SUN1: variants seen among roughly 807,000 people sequenced by gnomAD.
The protein encoded by SUN1 is Sad1 and UNC84 domain containing 1, also known as SUN domain-containing protein 1.
Under a neutral mutation model 103.2 loss-of-function variants are expected in SUN1, and 61 were observed. That is an observed-to-expected ratio of 0.59 (90% confidence interval 0.48 to 0.73). The LOEUF (loss-of-function observed/expected upper bound fraction) is 0.73, where lower values mean the gene tolerates loss of function less well. SUN1 is among the 30% of genes least tolerant of loss of function. The pLI is 0.00. For missense variants in SUN1, 1,052 were observed against 1,034.6 expected (o/e 1.02, Z -0.23); for synonymous variants, 490 against 425.7 (o/e 1.15, Z -1.86).
Position 843,218 on chromosome 7 carries a change from A to T in SUN1, c.464A>T (p.Asp155Val). 1 of 1,607,774 alleles carries T rather than the reference A, an allele frequency of 6.2e-7. No homozygotes were observed. The highest frequency in any genetic ancestry group is 8.5e-7 in the Non-Finnish European group (1 of 1,179,404). The change falls in exon 4 of 19, where the codon GAT becomes GTT. Residue 155 changes from aspartate to valine, a missense_variant. Physicochemically the swap from Asp to Val is radical, Grantham distance 152. This residue lies in a region of SUN1 where 846 missense variants were observed against 774.5 expected (regional missense o/e 1.09). Coordinates refer to ENST00000401592, the MANE Select transcript of SUN1 (RefSeq NM_001130965.3). The stretch of plus-strand genomic sequence containing the variant: ...TTTTTTTTTTTAGGTCTTGATGATG[A>T]TGGTGATCTTAAAGGTAATTATTTT... ...TVDHFWGLDD[D>V]GDLKGGNKAA...
rs551031419 is a variant in SUN1, at chr7:869,453, C to T, written c.2085C>T (p.His695=). The T allele has an allele frequency of 5.0e-6, 8 of 1,613,948 alleles. No homozygotes were observed. The South Asian group carries it at 8.8e-5, about 18-fold the overall frequency. The change falls in exon 17 of 19, where the codon CAC becomes CAT. Residue 695 remains histidine, a synonymous_variant. Coordinates refer to ENST00000401592, the MANE Select transcript of SUN1 (RefSeq NM_001130965.3). The stretch of plus-strand genomic sequence containing the variant: ...ACCCAGCCGCCTTCACTCTGGAGCA[C>T]ATCCCTAAGACGCTGTCGCCAACAG... ...MIHPAAFTLE[H]IPKTLSPTGN... is the part of the protein sequence containing the mutation.
intron 1 of SUN1, among the ~76,000 whole-genome samples, chr7:819,977 A>G (rs925911235): frequency 1.3e-5 from 2 of 152,096 alleles, no homozygotes; most frequent in African/African-American, 4.8e-5. Context: ...GTGCCATACT[A>G]TTTTGTAGTA....
At chr7:856,472 G>A (rs1827422832) in intron 12 of SUN1, 71 bp downstream of exon 12, 1 of 1,577,464 alleles carries the variant, frequency 6.3e-7, no homozygotes, top group Non-Finnish European at 8.7e-7. Flanking sequence ...CGGCAGCAGA[G>A]TGATGAATGG....
intron 1 of SUN1, among the ~76,000 whole-genome samples, chr7:819,047 GA>G (rs1783579885): frequency 6.6e-6 from 1 of 152,016 alleles, no homozygotes; most frequent in South Asian, 2.1e-4. Flanking sequence ...ATTTTTAGTA[GA>G]GATGGGGTTT....
chr7:861,441 T>C lies in SUN1; in HGVS notation c.1841T>C (p.Val614Ala). ...KLYSQDKTGMVDFALESGGGS... is the reference protein window; with the variant it reads ...KLYSQDKTGMADFALESGGGS... ...TATTCCCAAGATAAGACCGGGATGG[T>C]GGACTTTGCTCTGGAATCTGGTGGT... Residue 614 changes from valine (V) to alanine (A), a missense_variant, in exon 15 of 19, where the codon GTG (valine) becomes GCG (alanine). Around this residue, in one of 2 missense-constraint regions of SUN1, gnomAD observed 206 missense variants for 260.1 expected, o/e 0.79. Transcript: ENST00000401592. The C allele has an allele frequency of 6.2e-7, 1 of 1,614,166 alleles. No individual in the cohort carries two copies. The highest frequency in any genetic ancestry group is 8.5e-7 in the Non-Finnish European group (1 of 1,180,024).
intron 1 of SUN1, among the ~76,000 whole-genome samples, chr7:822,290 G>A (rs1291062223): frequency 6.6e-6 from 1 of 152,220 alleles, no homozygotes; most frequent in East Asian, 1.9e-4. Context: ...TGCTTGTTCT[G>A]TTGGTACTTT....
chr7:869,626 G>A (rs914144591), intron 17 of SUN1, 110 bp downstream of exon 17: 154 of 1,305,076 alleles, frequency 1.2e-4, no homozygotes, highest in Non-Finnish European at 1.3e-4. Context: ...CTGCCCCTCC[G>A]CCCTCTCTCA....
chr7:864,942 C>T (rs7808546), intron 15 of SUN1, among the ~76,000 whole-genome samples: 117,557 of 151,782 alleles, frequency 0.77, 45,670 homozygotes, highest in Admixed American at 0.83. Flanking sequence ...TTCTTTTTTT[C>T]TCTGGACCCA....
At position 841,927 on chromosome 7, in the gene SUN1, TG is replaced by T; in HGVS notation, c.267-18del. 1 of 1,608,132 alleles carries T rather than the reference TG, an allele frequency of 6.2e-7. No individual in the cohort carries two copies. The highest frequency in any genetic ancestry group is 1.1e-5 in the South Asian group (1 of 90,750). ...TGCTAGAAAAGATCTATAAACTTGC[TG>T]TTTTTTTTTCTTCTTAGAACAACAA... On this transcript the variant is annotated intron_variant, in intron 2 of 18. Transcript: ENST00000401592.
At chr7:832,727 A>C (rs1799109776) in intron 1 of SUN1, 126 bp downstream of exon 1, 2 of 749,704 alleles carry the variant, frequency 2.7e-6, no homozygotes, top group Non-Finnish European at 4.5e-6. Flanking sequence ...GTGAAAAAAA[A>C]TAATAAACTG....
chr7:870,435 C>T (rs1021453394), intron 17 of SUN1, among the ~76,000 whole-genome samples: 7 of 151,702 alleles, frequency 4.6e-5, no homozygotes, highest in South Asian at 4.2e-4. Context: ...ACTAAAAATA[C>T]AAAAGTTAGC....
upstream of SUN1, among the ~76,000 whole-genome samples, chr7:829,466 C>T (rs1190157444): frequency 6.6e-6 from 1 of 151,760 alleles, no homozygotes; most frequent in African/African-American, 2.4e-5. Context: ...TAGGGCTCAT[C>T]GGTGGACCTT....
At chr7:817,435 A>T in intron 1 of SUN1, 1 of 1,536,008 alleles carries the variant, frequency 6.5e-7, no homozygotes, top group Non-Finnish European at 8.7e-7. Flanking sequence ...GCGGCGGGGA[A>T]CACCTTGCCA....
intron 2 of SUN1, among the ~76,000 whole-genome samples, chr7:840,696 C>T (rs1411344286): frequency 1.4e-5 from 2 of 144,516 alleles, no homozygotes; most frequent in Non-Finnish European, 3.0e-5. Flanking sequence ...GGCTGGAGTG[C>T]AGTGGTGCAA....
At chr7:832,230 C>T (rs1294383247), upstream of SUN1, 9 of 660,810 alleles carry the variant, frequency 1.4e-5, no homozygotes, top group Non-Finnish European at 1.5e-5. Flanking sequence ...TGGAAGGTGC[C>T]CCTGGTTTCA....
At chr7:848,593 G>T in intron 5 of SUN1, 1 of 1,340,938 alleles carries the variant, frequency 7.5e-7, no homozygotes, top group Non-Finnish European at 9.9e-7. Context: ...AAAGCTATAA[G>T]TCAAAAAGCC....
intron 7 of SUN1, 185 bp from the exon 8 acceptor site, chr7:852,424 C>T (rs1037655809): frequency 4.4e-6 from 3 of 689,414 alleles, no homozygotes; most frequent in South Asian, 1.9e-5. Context: ...TAACGTAGGT[C>T]TCAAAGACAC....
intron 7 of SUN1, 100 bp downstream of exon 7, chr7:852,143 T>A: frequency 9.5e-7 from 1 of 1,055,376 alleles, no homozygotes; most frequent in Non-Finnish European, 1.4e-6. Context: ...GGATTTAGCT[T>A]ATATTTACAT....
intron 1 of SUN1, among the ~76,000 whole-genome samples, chr7:822,190 AT>A (rs935394371): frequency 1.3e-5 from 2 of 152,222 alleles, no homozygotes; most frequent in African/African-American, 4.8e-5. Flanking sequence ...TGTTTATATA[AT>A]TGTATGTTCT....
Sources: gnomAD v4.1 joint callset for allele counts (sites outside exome capture counted in the v4.1 genomes callset) on GRCh38, gnomAD v4.1.1 for gene constraint, gnomAD v4.1.1 regional missense constraint, MANE v1.5 for transcripts, NCBI Gene and HGNC (gene_info 2026-07-23, HGNC 2026-07-21) for gene names.